TMEM196: variants seen among roughly 807,000 people sequenced by gnomAD.
TMEM196 encodes the protein transmembrane protein 196.
Under a neutral mutation model 20.0 loss-of-function variants are expected in TMEM196, and 17 were observed. The observed-to-expected ratio is 0.85, with a 90% CI of 0.58 to 1.27. The LOEUF is 1.27. Among genes scored for constraint, TMEM196 ranks in the 50% most tolerant of loss-of-function variants. The pLI, the probability that TMEM196 is intolerant of heterozygous loss-of-function variation, is 0.00. For synonymous variants in TMEM196, 113 were observed against 88.9 expected (o/e 1.27, Z -1.52); for missense variants, 267 against 223.0 (o/e 1.20, Z -1.26).
At chr7:19,760,879 G>A (rs1253184467) in intron 1 of TMEM196, among the ~76,000 whole-genome samples, 1 of 152,180 alleles carries the variant, frequency 6.6e-6, no homozygotes, top group Non-Finnish European at 1.5e-5. Context: ...AGGAGAGTAA[G>A]CGGGTGGCTC....
intron 2 of TMEM196, among the ~76,000 whole-genome samples, chr7:19,728,778 C>G (rs375970428): frequency 6.6e-6 from 1 of 152,190 alleles, no homozygotes. Flanking sequence ...TGCAGTGTGG[C>G]TCATCCAGCC....
chr7:19,749,805 G>A (rs893201022), intron 1 of TMEM196, among the ~76,000 whole-genome samples: 1 of 152,032 alleles, frequency 6.6e-6, no homozygotes, highest in Admixed American at 6.6e-5. Flanking sequence ...CCTACGTATT[G>A]AGGCTAAGCT....
chr7:19,733,985 G>T (rs573967844), intron 1 of TMEM196, among the ~76,000 whole-genome samples: 45 of 152,246 alleles, frequency 3.0e-4, no homozygotes, highest in African/African-American at 1.0e-3. Context: ...CTACCAATGA[G>T]GGGGAGACAA....
rs1783787063 is a variant in TMEM196, at chr7:19,720,756, T to A, written c.*1372A>T. ...TTTTCCTCAAAGAATTCTTTCAGGA[T>A]CTTTGGATATAGGCTTTCTTATATA... is the stretch of plus-strand genomic sequence containing the variant. On this transcript the variant is annotated 3_prime_UTR_variant, in exon 5 of 5. Coordinates refer to ENST00000405844, the MANE Select transcript of TMEM196 (RefSeq NM_001363562.2). 1 of 151,902 alleles carries A rather than the reference T, an allele frequency of 6.6e-6. No homozygotes were observed. Among genetic ancestry groups the A allele is most frequent in the Non-Finnish European group, 1.5e-5 (1 of 67,810 alleles). The allele number at this position is 151,902 out of a possible 1,614,324, so 9.4% of individuals were successfully genotyped here.
chr7:19,735,892 A>G (rs1239857738), intron 1 of TMEM196, among the ~76,000 whole-genome samples: 3 of 152,158 alleles, frequency 2.0e-5, no homozygotes, highest in Admixed American at 2.0e-4. Context: ...TTTACCCACA[A>G]GATAATGAGC....
At position 19,720,991 on chromosome 7, in the gene TMEM196, T is replaced by A. The variant is rs911013590; in HGVS notation, c.*1137A>T. 1 of 151,990 alleles carries A rather than the reference T, an allele frequency of 6.6e-6. No individual in the cohort carries two copies. Among genetic ancestry groups the A allele is most frequent in the East Asian group, 1.9e-4 (1 of 5,190 alleles). 9.4% of individuals were successfully genotyped at this position (151,990 alleles called of 1,614,324 possible). A position where few individuals can be genotyped will look rare whatever the true frequency, so the allele number is the denominator to read the frequency against. On this transcript the variant is annotated 3_prime_UTR_variant, in exon 5 of 5. Transcript: ENST00000405844. ...ATACGGAAGTATGTCATTAAAGTCA[T>A]GTTCGTTTATAAATTAATTTTAATT...
chr7:19,760,134 C>T (rs1254334660), intron 1 of TMEM196, among the ~76,000 whole-genome samples: 2 of 152,056 alleles, frequency 1.3e-5, no homozygotes, highest in Non-Finnish European at 2.9e-5. Context: ...ATACTTCAGT[C>T]ACCCTGGACT....
chr7:19,747,641 A>G (rs1784810424), intron 1 of TMEM196, among the ~76,000 whole-genome samples: 1 of 152,232 alleles, frequency 6.6e-6, no homozygotes, highest in South Asian at 2.1e-4. Flanking sequence ...TTTTAACTCT[A>G]GAGGCTAACC....
At chr7:19,755,555 A>G (rs900876255) in intron 1 of TMEM196, among the ~76,000 whole-genome samples, 2 of 152,218 alleles carry the variant, frequency 1.3e-5, no homozygotes, top group African/African-American at 4.8e-5. Flanking sequence ...GATTGAAAGT[A>G]TTGTGTCATG....
At chr7:19,763,981 C>T (rs1427351688) in intron 1 of TMEM196, among the ~76,000 whole-genome samples, 3 of 152,130 alleles carry the variant, frequency 2.0e-5, no homozygotes, top group African/African-American at 7.2e-5. Context: ...AGCTTCCAAA[C>T]CTATTCTCAC....
rs184959336 is a variant in TMEM196, at chr7:19,722,660, C to A, written c.534-526G>T. 7.9e-5 allele frequency among the ~76,000 whole-genome samples: 12 copies of A among 152,246 alleles called. No individual in the cohort carries two copies. The East Asian group carries it at 2.3e-3, about 29-fold the overall frequency. The stretch of plus-strand genomic sequence containing the variant: ...GAAAGATTGTTTTTCATGACACTAT[C>A]ACTCTTCCAGTAAGAAGCAAAAACA... On this transcript the variant is annotated intron_variant, in intron 4 of 4. Transcript: ENST00000405844.
intron 2 of TMEM196, among the ~76,000 whole-genome samples, chr7:19,729,124 G>A (rs943807403): frequency 6.6e-6 from 1 of 152,156 alleles, no homozygotes; most frequent in South Asian, 2.1e-4. Context: ...ATCCGTAGCA[G>A]TCATTAAAGG....
intron 1 of TMEM196, among the ~76,000 whole-genome samples, chr7:19,745,315 A>G (rs1340910928): frequency 6.6e-6 from 1 of 152,126 alleles, no homozygotes; most frequent in Non-Finnish European, 1.5e-5. Flanking sequence ...GGGAGGGCCA[A>G]CTATTCTTGG....
At chr7:19,738,740 G>A (rs1300000318) in intron 1 of TMEM196, among the ~76,000 whole-genome samples, 3 of 151,996 alleles carry the variant, frequency 2.0e-5, no homozygotes, top group African/African-American at 7.2e-5. Context: ...GACCCAATGT[G>A]TACAATAAAT....
Position 19,720,817 on chromosome 7 carries a change from C to T in TMEM196, c.*1311G>A, listed in dbSNP as rs1376940146. The T allele has an allele frequency of 6.6e-6, 1 of 151,800 alleles. No individual in the cohort carries two copies. The allele number at this position is 151,800 out of a possible 1,614,324, so 9.4% of individuals were successfully genotyped here. A position where few individuals can be genotyped will look rare whatever the true frequency, so the allele number is the denominator to read the frequency against. On this transcript the variant is annotated 3_prime_UTR_variant, in exon 5 of 5. Coordinates refer to ENST00000405844, the MANE Select transcript of TMEM196 (RefSeq NM_001363562.2). ...ATATTATTTCATGAGAATCGTAAAA[C>T]AAAACACCTAAATTAGATTACAGCA...
intron 1 of TMEM196, among the ~76,000 whole-genome samples, chr7:19,763,510 C>A (rs990638637): frequency 1.3e-5 from 2 of 152,138 alleles, no homozygotes; most frequent in Non-Finnish European, 2.9e-5. Context: ...ATTCCTGGGA[C>A]TCTGGAACAT....
At chr7:19,736,324 T>C (rs1396209579) in intron 1 of TMEM196, among the ~76,000 whole-genome samples, 1 of 115,844 alleles carries the variant, frequency 8.6e-6, no homozygotes, top group Admixed American at 9.0e-5. Context: ...TTCGTTTCAT[T>C]TGAGATCCCA....
intron 1 of TMEM196, among the ~76,000 whole-genome samples, chr7:19,770,715 T>G (rs796379394): frequency 4.3e-4 from 66 of 152,344 alleles, no homozygotes; most frequent in African/African-American, 1.5e-3. Flanking sequence ...ATAGTGACTA[T>G]GTAGATATGT....
chr7:19,730,016 G>C (rs1008677032), intron 1 of TMEM196, among the ~76,000 whole-genome samples: 2 of 152,116 alleles, frequency 1.3e-5, no homozygotes, highest in Non-Finnish European at 2.9e-5. Flanking sequence ...CAGTACTTTG[G>C]GAGGTCATGG....
Sources: allele counts gnomAD v4.1 joint callset (sites outside exome capture counted in the v4.1 genomes callset), GRCh38; gene constraint gnomAD v4.1.1; transcripts MANE v1.5; gene names NCBI Gene and HGNC (gene_info 2026-07-23, HGNC 2026-07-21).